PALS1: variants seen among roughly 807,000 people sequenced by gnomAD.
PALS1 encodes protein PALS1.
In PALS1, 31 loss-of-function variants were observed where a neutral mutation model predicts 78.9. The ratio of observed to expected loss-of-function variants is 0.39; its 90% CI spans 0.30 to 0.53. The LOEUF is 0.53. Ranked by LOEUF, PALS1 falls within the 20% of genes least tolerant of loss-of-function variation. PALS1 has a pLI of 0.67. For synonymous variants in PALS1, 276 were observed against 270.9 expected (o/e 1.02, Z -0.18); for missense variants, 704 against 826.5 (o/e 0.85, Z 1.82).
intron 14 of PALS1, among the ~76,000 whole-genome samples, chr14:67,324,386 T>C (rs2085317026): frequency 6.6e-6 from 1 of 152,234 alleles, no homozygotes; most frequent in African/African-American, 2.4e-5. Flanking sequence ...GGTAACTCTG[T>C]CAGGTGACTT....
chr14:67,296,083 T>A (rs898746715), intron 4 of PALS1, among the ~76,000 whole-genome samples: 3 of 151,972 alleles, frequency 2.0e-5, no homozygotes, highest in Non-Finnish European at 4.4e-5. Context: ...TGTGCCTAAT[T>A]CTGTTTTGGG....
intron 3 of PALS1, among the ~76,000 whole-genome samples, chr14:67,284,036 T>C (rs2084640866): frequency 6.6e-6 from 1 of 152,124 alleles, no homozygotes; most frequent in African/African-American, 2.4e-5. Context: ...TGTTACTCAA[T>C]TTTTCTGAGC....
chr14:67,275,304 A>C (rs1746432860), intron 2 of PALS1, among the ~76,000 whole-genome samples: 1 of 152,136 alleles, frequency 6.6e-6, no homozygotes, highest in African/African-American at 2.4e-5. Context: ...ATCAATACCT[A>C]GTTTATTGAG....
At chr14:67,289,165 G>T (rs1373679155) in intron 3 of PALS1, among the ~76,000 whole-genome samples, 1 of 151,364 alleles carries the variant, frequency 6.6e-6, no homozygotes, top group African/African-American at 2.4e-5. Flanking sequence ...CTGGAGTTTT[G>T]CCATGTTGGC....
At chr14:67,253,959 TTTTG>T (rs1387237832) in intron 1 of PALS1, among the ~76,000 whole-genome samples, 1 of 148,084 alleles carries the variant, frequency 6.8e-6, no homozygotes, top group Non-Finnish European at 1.5e-5. Flanking sequence ...TAATATTTTG[TTTTG>T]TTTTTTTTTT....
intron 14 of PALS1, among the ~76,000 whole-genome samples, chr14:67,330,092 T>C (rs2085424644): frequency 6.7e-6 from 1 of 150,332 alleles, no homozygotes; most frequent in Non-Finnish European, 1.5e-5. Context: ...AATGCTCTGC[T>C]GTCTGTCAGA....
chr14:67,265,669 C>T (rs1183389556), intron 1 of PALS1, among the ~76,000 whole-genome samples: 1 of 151,988 alleles, frequency 6.6e-6, no homozygotes, highest in Non-Finnish European at 1.5e-5. Context: ...CCAGCCTAGC[C>T]AACATGGTAA....
At chr14:67,288,950 A>C (rs371798876) in intron 3 of PALS1, among the ~76,000 whole-genome samples, 1 of 130,688 alleles carries the variant, frequency 7.7e-6, no homozygotes, top group East Asian at 2.2e-4. Flanking sequence ...AAAAAGTTTT[A>C]TTTTCTTTAT....
intron 14 of PALS1, among the ~76,000 whole-genome samples, chr14:67,332,185 GTT>G (rs1260854910): frequency 8.5e-5 from 13 of 152,278 alleles, no homozygotes; most frequent in African/African-American, 3.1e-4. Context: ...TAATTAGAGG[GTT>G]CAGGATAAGT....
At chr14:67,296,199 G>C (rs1342101112) in intron 4 of PALS1, among the ~76,000 whole-genome samples, 1 of 152,200 alleles carries the variant, frequency 6.6e-6, no homozygotes, top group Non-Finnish European at 1.5e-5. Flanking sequence ...GGAAGCGTAA[G>C]AAAGAGGAAA....
intron 8 of PALS1, among the ~76,000 whole-genome samples, chr14:67,308,747 C>A (rs1351986732): frequency 6.6e-6 from 1 of 151,760 alleles, no homozygotes; most frequent in African/African-American, 2.4e-5. Context: ...TTGTTTTATA[C>A]CTTTATCAAT....
chr14:67,284,696 T>G (rs1382287707), intron 3 of PALS1, among the ~76,000 whole-genome samples: 4 of 151,712 alleles, frequency 2.6e-5, no homozygotes, highest in Non-Finnish European at 5.9e-5. Flanking sequence ...ATACTTTCTT[T>G]TTGGATTTGC....
chr14:67,264,755 A>G (rs138438690), intron 1 of PALS1, among the ~76,000 whole-genome samples: 3 of 152,318 alleles, frequency 2.0e-5, no homozygotes, highest in African/African-American at 7.2e-5. Context: ...TATGGCCTAG[A>G]ATCATGGGGT....
chr14:67,291,533 T>G (rs2084774348), intron 3 of PALS1, among the ~76,000 whole-genome samples: 1 of 152,136 alleles, frequency 6.6e-6, no homozygotes. Flanking sequence ...TCTACCTGTC[T>G]GGGCCTCCCA....
intron 2 of PALS1, among the ~76,000 whole-genome samples, chr14:67,275,400 T>C (rs1444759859): frequency 2.6e-5 from 4 of 152,098 alleles, no homozygotes; most frequent in African/African-American, 9.7e-5. Context: ...GTCTTTGGTT[T>C]TGTTTATATG....
chr14:67,318,250 AATAAAG>A (rs1373931442), intron 11 of PALS1, among the ~76,000 whole-genome samples: 10 of 152,252 alleles, frequency 6.6e-5, no homozygotes, highest in African/African-American at 2.2e-4. Context: ...ACATTAAACT[AATAAAG>A]ATAAAACATT....
chr14:67,302,208 T>G (rs1156847413), intron 6 of PALS1, 90 bp downstream of exon 6: 1 of 1,372,366 alleles, frequency 7.3e-7, no homozygotes, highest in African/African-American at 1.5e-5. Flanking sequence ...TTCTAATGAA[T>G]AGAGTATTTC....
intron 1 of PALS1, among the ~76,000 whole-genome samples, chr14:67,263,651 T>C (rs1234388169): frequency 6.6e-6 from 1 of 152,218 alleles, no homozygotes; most frequent in East Asian, 1.9e-4. Flanking sequence ...CTCTACCACT[T>C]AGATTTCTGA....
intron 1 of PALS1, among the ~76,000 whole-genome samples, chr14:67,257,739 A>C (rs1372984835): frequency 6.6e-6 from 1 of 152,200 alleles, no homozygotes; most frequent in Non-Finnish European, 1.5e-5. Context: ...GAAGAAACTG[A>C]GAGTTAAAAG....
Sources: allele counts gnomAD v4.1 joint callset (sites outside exome capture counted in the v4.1 genomes callset), GRCh38; gene constraint gnomAD v4.1.1; transcripts MANE v1.5; gene names NCBI Gene and HGNC (gene_info 2026-07-23, HGNC 2026-07-21).